The following MANBA variants were observed in gnomAD, a reference collection of about 807,000 sequenced individuals.
MANBA encodes the protein beta-mannosidase.
MANBA carries 83 observed loss-of-function variants against 111.1 expected under a neutral mutation model. The observed-to-expected ratio is 0.75, with a 90% CI of 0.63 to 0.90. The LOEUF is 0.90. MANBA is among the 40% of genes least tolerant of loss of function. The probability of loss-of-function intolerance (pLI) is 0.00; values close to 1 mark genes in which losing one functional copy is unlikely to be tolerated. For missense variants in MANBA, 1,036 were observed against 1,069.0 expected (o/e 0.97, Z 0.43); for synonymous variants, 370 against 378.7 (o/e 0.98, Z 0.27).
At chr4:102,643,241 T>C (rs889508710) in intron 13 of MANBA, among the ~76,000 whole-genome samples, 2 of 152,236 alleles carry the variant, frequency 1.3e-5, no homozygotes, top group Non-Finnish European at 2.9e-5. Flanking sequence ...GGCTTCCTTT[T>C]TATTTCTGAA....
intron 13 of MANBA, among the ~76,000 whole-genome samples, chr4:102,641,356 C>T (rs574220989): frequency 6.6e-6 from 1 of 152,270 alleles, no homozygotes; most frequent in African/African-American, 2.4e-5. Context: ...TGTTGGTGTG[C>T]ATCCTAAAGG....
chr4:102,753,540 A>G (rs1472348168), intron 1 of MANBA, among the ~76,000 whole-genome samples: 3 of 152,212 alleles, frequency 2.0e-5, no homozygotes, highest in Non-Finnish European at 4.4e-5. Context: ...TAGGCAACCA[A>G]TTAACTATTT....
intron 11 of MANBA, among the ~76,000 whole-genome samples, chr4:102,661,036 T>C (rs1333861703): frequency 6.6e-6 from 1 of 152,248 alleles, no homozygotes; most frequent in Non-Finnish European, 1.5e-5. Context: ...CAGTCTTCAC[T>C]ACCTTCCATT....
chr4:102,724,673 G>A (rs991397895), intron 2 of MANBA, among the ~76,000 whole-genome samples: 9 of 152,080 alleles, frequency 5.9e-5, no homozygotes, highest in Non-Finnish European at 1.2e-4. Context: ...TATGCACCCA[G>A]CACTCTGCTA....
chr4:102,686,824 T>C (rs566999516), intron 7 of MANBA, among the ~76,000 whole-genome samples: 5 of 152,280 alleles, frequency 3.3e-5, no homozygotes, highest in Admixed American at 2.6e-4. Flanking sequence ...CTGTCCTAGC[T>C]CTTTTCTCTG....
chr4:102,758,449 A>G (rs1253354599), intron 1 of MANBA, among the ~76,000 whole-genome samples: 1 of 152,186 alleles, frequency 6.6e-6, no homozygotes, highest in Non-Finnish European at 1.5e-5. Context: ...CCTCAAGTCA[A>G]CACCAAAAAG....
chr4:102,722,866 A>G lies in MANBA; in HGVS notation c.549+5T>C, dbSNP rs2110193532. ...TAAAACCCGACCTGTTTGAGAGACC[A>G]TTACCTTCCGAACAAAGTTGACATG... On this transcript the variant is annotated splice_donor_5th_base_variant and intron_variant, in intron 4 of 16. Transcript: ENST00000647097. The G allele has an allele frequency of 6.2e-7, 1 of 1,613,990 alleles. No homozygotes were observed. The highest frequency in any genetic ancestry group is 1.1e-5 in the South Asian group (1 of 91,078).
chr4:102,715,142 T>C (rs1380766016), intron 4 of MANBA, among the ~76,000 whole-genome samples: 2 of 152,138 alleles, frequency 1.3e-5, no homozygotes, highest in Non-Finnish European at 2.9e-5. Flanking sequence ...GCAAAAATGA[T>C]GTGATTTTAT....
intron 16 of MANBA, chr4:102,633,103 G>A (rs1452274022): frequency 5.1e-6 from 2 of 395,728 alleles, no homozygotes; most frequent in Non-Finnish European, 8.9e-6. Context: ...ACATATTTGT[G>A]TAATATGTTA....
chr4:102,729,814 C>T (rs1722961107), intron 1 of MANBA: 1 of 1,244,122 alleles, frequency 8.0e-7, no homozygotes, highest in Non-Finnish European at 1.2e-6. Flanking sequence ...CACTTAGTCT[C>T]CAGCATCTTG....
chr4:102,635,530 A>G (rs966893705), intron 15 of MANBA, among the ~76,000 whole-genome samples: 1 of 152,162 alleles, frequency 6.6e-6, no homozygotes, highest in Admixed American at 6.5e-5. Flanking sequence ...TAAAGTTTGG[A>G]CTATTTCCAG....
chr4:102,734,735 C>T, intron 1 of MANBA: 1 of 651,384 alleles, frequency 1.5e-6, no homozygotes, highest in East Asian at 2.8e-5. Flanking sequence ...GCTGTGACAC[C>T]CTCTGACCTC....
At chr4:102,729,796 G>A in intron 1 of MANBA, 2 of 1,198,204 alleles carry the variant, frequency 1.7e-6, no homozygotes, top group Non-Finnish European at 2.5e-6. Flanking sequence ...TGCTGCTGCA[G>A]GAGGCTCCAC....
At chr4:102,742,185 A>G (rs1723427206) in intron 1 of MANBA, among the ~76,000 whole-genome samples, 1 of 152,168 alleles carries the variant, frequency 6.6e-6, no homozygotes, top group Admixed American at 6.5e-5. Flanking sequence ...ACTTAGGAGG[A>G]GCCCGAAGTG....
rs1169288555 is a variant in MANBA at position 102,630,870 on chromosome 4, T to C, written c.*1187A>G. The stretch of plus-strand genomic sequence containing the variant: ...AGGAAGTTAAGTAACTTGATTAAGG[T>C]TACAGAACTAGTAAGGGCAAACTAC... On this transcript the variant is annotated 3_prime_UTR_variant, in exon 17 of 17. Transcript: ENST00000647097. The C allele has an allele frequency of 6.6e-6, 1 of 152,184 alleles. No homozygotes were observed. The allele number at this position is 152,184 out of a possible 1,614,324, so 9.4% of individuals were successfully genotyped here.
At chr4:102,753,976 C>A in intron 1 of MANBA, 1 of 392,796 alleles carries the variant, frequency 2.5e-6, no homozygotes. Flanking sequence ...TCACTCCAAC[C>A]TGGGCGACAG....
rs753125004 is a variant in MANBA, at chr4:102,760,853, T to G, written c.42A>C (p.Ala14=). The G allele has an allele frequency of 6.4e-7, 1 of 1,571,738 alleles. No homozygotes were observed. The highest frequency in any genetic ancestry group is 8.6e-7 in the Non-Finnish European group (1 of 1,159,698). The change falls in exon 1 of 17, where the codon GCA becomes GCC. Residue 14 remains alanine (A), a synonymous_variant. Transcript: ENST00000647097. ...AACTGAGCTCCGCGGCGGTGGTGCC[T>G]GCACCGCACAGCGCGAGCAGCAGGA... ...HLLLLLALCG[A]GTTAAELSYS...
At chr4:102,752,202 C>T (rs931551740) in intron 1 of MANBA, 72 of 850,242 alleles carry the variant, frequency 8.5e-5, no homozygotes, top group Non-Finnish European at 1.3e-4. Context: ...TGCAGTGCAT[C>T]TTGGGACCAT....
intron 12 of MANBA, among the ~76,000 whole-genome samples, chr4:102,655,191 T>C (rs1730508052): frequency 6.6e-6 from 1 of 151,916 alleles, no homozygotes; most frequent in South Asian, 2.1e-4. Context: ...AAAGAAGACA[T>C]CCCATGTTCA....
Sources: gnomAD v4.1 joint callset for allele counts (sites outside exome capture counted in the v4.1 genomes callset) on GRCh38, gnomAD v4.1.1 for gene constraint, MANE v1.5 for transcripts, NCBI Gene and HGNC (gene_info 2026-07-23, HGNC 2026-07-21) for gene names.